Variants in KIF13B observed in about 807,000 individuals in gnomAD.
KIF13B encodes the protein kinesin-like protein KIF13B.
In KIF13B, 127 loss-of-function variants were observed where a neutral mutation model predicts 222.0. That is an observed-to-expected ratio of 0.57 (90% confidence interval 0.50 to 0.66). The LOEUF is 0.66. KIF13B is among the 30% of genes least tolerant of loss of function. KIF13B has a pLI of 0.00. For missense variants in KIF13B, 2,173 were observed against 2,379.0 expected (o/e 0.91, Z 1.80); for synonymous variants, 976 against 919.0 (o/e 1.06, Z -1.12).
intron 33 of KIF13B, among the ~76,000 whole-genome samples, 172 bp from the exon 34 acceptor site, chr8:29,109,683 G>A (rs145600202): frequency 5.9e-5 from 9 of 152,242 alleles, no homozygotes; most frequent in Non-Finnish European, 2.9e-5. Flanking sequence ...CAGCACATGA[G>A]CTCCATAAAT....
intron 2 of KIF13B, among the ~76,000 whole-genome samples, chr8:29,230,126 G>A (rs765631616): frequency 6.6e-6 from 1 of 152,108 alleles, no homozygotes; most frequent in Non-Finnish European, 1.5e-5. Flanking sequence ...CCATATCACA[G>A]TGTTATCACC....
chr8:29,166,494 T>C (rs983694677), intron 11 of KIF13B, among the ~76,000 whole-genome samples: 1 of 150,556 alleles, frequency 6.6e-6, no homozygotes, highest in Non-Finnish European at 1.5e-5. Flanking sequence ...AGGTCAGGAG[T>C]TCAAGTTCAA....
At chr8:29,072,343 T>C in intron 38 of KIF13B, 27 bp from the exon 39 acceptor site, 9 of 1,370,696 alleles carry the variant, frequency 6.6e-6, no homozygotes, top group South Asian at 3.8e-5. Flanking sequence ...AAGCAGGGGC[T>C]GAGAACAGAA....
chr8:29,151,731 T>C (rs571123248), intron 14 of KIF13B, among the ~76,000 whole-genome samples: 1 of 152,014 alleles, frequency 6.6e-6, no homozygotes, highest in Middle Eastern at 3.5e-3. Context: ...TCATTGATAA[T>C]GCACCTGATC....
chr8:29,070,203 G>C lies in KIF13B; in HGVS notation c.*301C>G. ...ATAAGGCCCCAGGCACAGGCACACA[G>C]CAAGATCACCAGGCGCTGCACCACC... On this transcript the variant is annotated 3_prime_UTR_variant, in exon 40 of 40. Coordinates refer to ENST00000524189, the MANE Select transcript of KIF13B (RefSeq NM_015254.4). The surrounding 1 kb of genome is among the most constrained non-coding windows in gnomAD (Gnocchi z 4.1). 6.5e-6 allele frequency: 3 copies of C among 462,448 alleles called. No homozygotes were observed. The highest frequency in any genetic ancestry group is 1.2e-5 in the Non-Finnish European group (3 of 260,316). The allele number at this position is 462,448 out of a possible 1,614,324, so 28.6% of individuals were successfully genotyped here. A position where few individuals can be genotyped will look rare whatever the true frequency, so the allele number is the denominator to read the frequency against.
chr8:29,114,953 T>C lies in KIF13B; in HGVS notation c.3838-1398A>G, dbSNP rs933270420. 2.0e-5 allele frequency among the ~76,000 whole-genome samples: 3 copies of C among 152,282 alleles called. No individual in the cohort carries two copies. In the East Asian group the frequency reaches 5.8e-4, roughly 29 times the overall value. The stretch of plus-strand genomic sequence containing the variant: ...TCTTTTTCAAACCCTCACAGACTCA[T>C]GAGAAAAGGAAGACAGAGAGAGTGA... On this transcript the variant is annotated intron_variant, in intron 31 of 39. Transcript: ENST00000524189.
chr8:29,239,541 G>A (rs369209049), intron 2 of KIF13B, among the ~76,000 whole-genome samples: 4 of 152,306 alleles, frequency 2.6e-5, no homozygotes, highest in African/African-American at 7.2e-5. Flanking sequence ...AAGGGGGAAC[G>A]GAAGGAGGAG....
chr8:29,154,849 C>A (rs1437996642), intron 14 of KIF13B, among the ~76,000 whole-genome samples: 1 of 152,210 alleles, frequency 6.6e-6, no homozygotes, highest in African/African-American at 2.4e-5. Context: ...CTCACTTGAT[C>A]CTTCCCCAGA....
At chr8:29,191,955 T>A (rs1824027) in intron 3 of KIF13B, among the ~76,000 whole-genome samples, 17,116 of 152,158 alleles carry the variant, frequency 0.11, 1,152 homozygotes, top group South Asian at 0.15. Flanking sequence ...ACTTTGGGAG[T>A]CTGTTGCTAT....
chr8:29,146,346 T>A (rs1176093628), intron 18 of KIF13B, 32 bp downstream of exon 18: 1 of 1,609,620 alleles, frequency 6.2e-7, no homozygotes, highest in Admixed American at 1.7e-5. Context: ...TCCAATGAGA[T>A]CTTTGTTTTT....
intron 9 of KIF13B, among the ~76,000 whole-genome samples, chr8:29,176,458 G>A (rs1812481830): frequency 1.3e-5 from 2 of 152,286 alleles, no homozygotes; most frequent in Middle Eastern, 3.4e-3. Flanking sequence ...GTATCTTTAA[G>A]AAAGGAAGCC....
At chr8:29,195,489 T>C (rs1159453077) in intron 3 of KIF13B, among the ~76,000 whole-genome samples, 1 of 152,172 alleles carries the variant, frequency 6.6e-6, no homozygotes, top group Non-Finnish European at 1.5e-5. Context: ...AATACACATT[T>C]TAGCAATAAT....
intron 2 of KIF13B, among the ~76,000 whole-genome samples, chr8:29,228,472 A>AAAAAAAAAAAAATGTATATATATAT: frequency 8.5e-6 from 1 of 117,086 alleles, no homozygotes; most frequent in African/African-American, 3.3e-5. Context: ...ATCTTAAAAA[A>AAAAAAAAAAAAATGTATATATATAT]ATATATATAT....
Position 29,068,263 on chromosome 8 carries a change from CAAGAA to C in KIF13B, c.*2236_*2240del, listed in dbSNP as rs1807089908. ...GAGGTGAGTCTGCTGGTCAGGGAGG[CAAGAA>C]AAGAAGATAGAAGACGGAGGCCAGC... On this transcript the variant is annotated 3_prime_UTR_variant, in exon 40 of 40. Coordinates refer to ENST00000524189, the MANE Select transcript of KIF13B (RefSeq NM_015254.4). The surrounding 1 kb of genome is among the most constrained non-coding windows in gnomAD (Gnocchi z 4.4). 6.6e-6 allele frequency: 1 copy of C among 152,272 alleles called. No individual in the cohort carries two copies. Among genetic ancestry groups the C allele is most frequent in the Admixed American group, 6.5e-5 (1 of 15,268 alleles). The allele number at this position is 152,272 out of a possible 1,614,324, so 9.4% of individuals were successfully genotyped here. A position where few individuals can be genotyped will look rare whatever the true frequency, so the allele number is the denominator to read the frequency against.
In KIF13B at chr8:29,157,464, A is replaced by AGGCT. The variant is rs1007106958; in HGVS notation, c.1405-1612_1405-1609dup. On this transcript the variant is annotated intron_variant, in intron 13 of 39. Transcript: ENST00000524189. ...ATACCTGTGATCCCAGCACTTTGGG[A>AGGCT]GGCTGAGGTGGGTGGATCACTCAAA... is the stretch of plus-strand genomic sequence containing the variant. 5.4e-5 allele frequency among the ~76,000 whole-genome samples: 8 copies of AGGCT among 147,938 alleles called. No individual in the cohort carries two copies. In the Admixed American group the frequency reaches 5.5e-4, roughly 10 times the overall value.
At position 29,067,814 on chromosome 8, in the gene KIF13B, C is replaced by G. The variant is rs146558429; in HGVS notation, c.*2690G>C. 1,766 of 152,742 alleles carry G rather than the reference C, an allele frequency of 0.012. 14 individuals are homozygous for G. Among genetic ancestry groups the G allele is most frequent in the Non-Finnish European group, 0.017 (1,157 of 68,304 alleles). The allele number at this position is 152,742 out of a possible 1,614,324, so 9.5% of individuals were successfully genotyped here. A position where few individuals can be genotyped will look rare whatever the true frequency, so the allele number is the denominator to read the frequency against. On this transcript the variant is annotated 3_prime_UTR_variant, in exon 40 of 40. Transcript: ENST00000524189. ...GCTCCAGCAGTCACATTCCCAGCTC[C>G]GTTCTCTTGTTGAACCTTGGTAGGC...
intron 3 of KIF13B, among the ~76,000 whole-genome samples, chr8:29,191,719 T>C (rs1443984511): frequency 2.0e-5 from 3 of 152,228 alleles, no homozygotes; most frequent in African/African-American, 7.2e-5. Context: ...CTTTCTAGAA[T>C]ATCACATAGT....
chr8:29,140,445 C>A (rs1339616457), intron 20 of KIF13B, 23 bp downstream of exon 20: 1 of 1,607,096 alleles, frequency 6.2e-7, no homozygotes, highest in East Asian at 2.2e-5. Flanking sequence ...CTACAGGAAA[C>A]AAGGCATGAA....
intron 37 of KIF13B, 34 bp downstream of exon 37, chr8:29,092,711 A>G (rs774826017): frequency 6.3e-7 from 1 of 1,587,138 alleles, no homozygotes; most frequent in Non-Finnish European, 8.6e-7. Flanking sequence ...TTTATTAGAA[A>G]AACGTTCACA....
Sources: gnomAD v4.1 joint callset for allele counts (sites outside exome capture counted in the v4.1 genomes callset) on GRCh38, gnomAD v4.1.1 for gene constraint, Gnocchi (gnomAD v3.1) non-coding constraint, MANE v1.5 for transcripts, NCBI Gene and HGNC (gene_info 2026-07-23, HGNC 2026-07-21) for gene names.